NIPAL2: variants seen among roughly 807,000 people sequenced by gnomAD.
NIPAL2 encodes NIPA like domain containing 2, also known as NIPA-like protein 2.
NIPAL2 carries 43 observed loss-of-function variants against 48.9 expected under a neutral mutation model. The ratio of observed to expected loss-of-function variants is 0.88; its 90% confidence interval spans 0.69 to 1.13. The LOEUF (loss-of-function observed/expected upper bound fraction) is 1.13, where lower values mean the gene tolerates loss of function less well. Ranked by LOEUF, NIPAL2 falls within the 50% of genes most tolerant of loss-of-function variation. The pLI, the probability that NIPAL2 is intolerant of heterozygous loss-of-function variation, is 0.00. For synonymous variants in NIPAL2, 167 were observed against 174.6 expected (o/e 0.96, Z 0.34); for missense variants, 446 against 461.4 (o/e 0.97, Z 0.31).
Position 98,259,019 on chromosome 8 carries a change from T to C in NIPAL2, c.136-4932A>G, listed in dbSNP as rs182719117. ...ATACACAGGCCACAAAATAAAAAAATACATAATTTTTCATCAAGACAGCAT... is the reference window on the plus strand; with the variant it reads ...ATACACAGGCCACAAAATAAAAAAACACATAATTTTTCATCAAGACAGCAT... On this transcript the variant is annotated intron_variant, in intron 1 of 10. Coordinates refer to ENST00000430223, the MANE Select transcript of NIPAL2 (RefSeq NM_001321635.2). 2.8e-3 allele frequency among the ~76,000 whole-genome samples: 421 copies of C among 149,248 alleles called. 5 individuals carry two copies. In the South Asian group the frequency reaches 0.034, roughly 12 times the overall value.
intron 1 of NIPAL2, among the ~76,000 whole-genome samples, chr8:98,259,394 A>T (rs1038257815): frequency 3.9e-5 from 6 of 152,016 alleles, no homozygotes; most frequent in Non-Finnish European, 7.4e-5. Context: ...TATTCTTCTC[A>T]CAGGTTTATT....
At chr8:98,287,934 A>G (rs1816268266) in intron 1 of NIPAL2, among the ~76,000 whole-genome samples, 1 of 152,242 alleles carries the variant, frequency 6.6e-6, no homozygotes, top group Non-Finnish European at 1.5e-5. Flanking sequence ...TAATTCTCAT[A>G]AGCTAACAAA....
chr8:98,264,583 G>A (rs1814586763), intron 1 of NIPAL2, among the ~76,000 whole-genome samples: 2 of 150,954 alleles, frequency 1.3e-5, no homozygotes, highest in Non-Finnish European at 3.0e-5. Flanking sequence ...GGGATGTGAA[G>A]GACCTCTTCA....
intron 10 of NIPAL2, 48 bp from the exon 11 acceptor site, chr8:98,193,138 A>G (rs760989353): frequency 2.1e-6 from 3 of 1,431,198 alleles, no homozygotes; most frequent in Non-Finnish European, 3.0e-6. Context: ...TTACAGAAAA[A>G]TAAGTCTTAA....
chr8:98,222,384 G>T lies in NIPAL2; in HGVS notation c.558+95C>A, dbSNP rs192741625. 4.7e-3 allele frequency: 6,032 copies of T among 1,287,200 alleles called. 23 individuals carry two copies. Among genetic ancestry groups the T allele is most frequent in the Non-Finnish European group, 5.9e-3 (5,552 of 944,898 alleles). The allele number at this position is 1,287,200 out of a possible 1,614,324, so 79.7% of individuals were successfully genotyped here. A position where few individuals can be genotyped will look rare whatever the true frequency, so the allele number is the denominator to read the frequency against. On this transcript the variant is annotated intron_variant, in intron 5 of 10. Transcript: ENST00000430223. The stretch of plus-strand genomic sequence containing the variant: ...ATTTAGATTTTAATAAGATATTAGT[G>T]CTGGTAAGGAAAAGATTATGTTCTC...
At chr8:98,247,932 T>C (rs1586396283) in intron 3 of NIPAL2, among the ~76,000 whole-genome samples, 1 of 152,210 alleles carries the variant, frequency 6.6e-6, no homozygotes. Context: ...TCACAGTTGA[T>C]CTGAAAGGAA....
At position 98,254,854 on chromosome 8, in the gene NIPAL2, G is replaced by C. The variant is rs73283789; in HGVS notation, c.136-767C>G. Among the ~76,000 whole-genome samples the C allele has an allele frequency of 5.1e-3, 780 of 152,320 alleles. 5 individuals carry two copies. Among genetic ancestry groups the C allele is most frequent in the African/African-American group, 0.018 (756 of 41,566 alleles). ...TCATGCCACTGCTCTCCTAGGTCATGCAGGTATGCCTCTCACTCACTCCAA... is the reference window on the plus strand; with the variant it reads ...TCATGCCACTGCTCTCCTAGGTCATCCAGGTATGCCTCTCACTCACTCCAA... On this transcript the variant is annotated intron_variant, in intron 1 of 10. Coordinates refer to ENST00000430223, the MANE Select transcript of NIPAL2 (RefSeq NM_001321635.2).
chr8:98,235,441 A>G (rs962010194), intron 4 of NIPAL2, among the ~76,000 whole-genome samples: 1 of 152,224 alleles, frequency 6.6e-6, no homozygotes, highest in Non-Finnish European at 1.5e-5. Context: ...ATATTTAAGA[A>G]CAATGGTCTG....
intron 5 of NIPAL2, among the ~76,000 whole-genome samples, chr8:98,220,217 T>C (rs1670436589): frequency 6.6e-6 from 1 of 152,174 alleles, no homozygotes; most frequent in Non-Finnish European, 1.5e-5. Context: ...CACTAGGAAC[T>C]GCTTCGGTCC....
At chr8:98,268,243 A>AT (rs550092530) in intron 1 of NIPAL2, among the ~76,000 whole-genome samples, 134 of 152,018 alleles carry the variant, frequency 8.8e-4, no homozygotes, top group Non-Finnish European at 1.8e-3. Flanking sequence ...CTTATGATGC[A>AT]TTTTTTTTGG....
intron 4 of NIPAL2, among the ~76,000 whole-genome samples, chr8:98,227,429 G>A (rs1018568290): frequency 1.3e-5 from 2 of 152,162 alleles, no homozygotes; most frequent in Admixed American, 1.3e-4. Context: ...GGCTATCACT[G>A]CTGATTATTC....
At position 98,241,629 on chromosome 8, in the gene NIPAL2, C is replaced by T. The variant is rs373750860; in HGVS notation, c.377-5415G>A. On this transcript the variant is annotated intron_variant, in intron 3 of 10. Transcript: ENST00000430223. ...TAGTGGAAAACTGGAATAATCTAAA[C>T]GTTCAGCAATAATCAGTAGGATATT... Among the ~76,000 whole-genome samples, 6 of 151,982 alleles carry T rather than the reference C, an allele frequency of 3.9e-5. No homozygotes were observed. The South Asian group carries it at 6.2e-4, about 16-fold the overall frequency.
intron 1 of NIPAL2, among the ~76,000 whole-genome samples, chr8:98,271,908 A>G (rs770711867): frequency 2.0e-5 from 3 of 150,426 alleles, no homozygotes; most frequent in Non-Finnish European, 3.0e-5. Context: ...TCATGAAATG[A>G]TGTTAAATTT....
intron 1 of NIPAL2, among the ~76,000 whole-genome samples, chr8:98,258,938 C>T (rs536470678): frequency 1.5e-4 from 22 of 151,132 alleles, no homozygotes; most frequent in African/African-American, 3.4e-4. Flanking sequence ...TAACAGTCTG[C>T]GTATTAAAAA....
At chr8:98,283,365 C>T (rs1355362246) in intron 1 of NIPAL2, among the ~76,000 whole-genome samples, 1 of 151,988 alleles carries the variant, frequency 6.6e-6, no homozygotes, top group African/African-American at 2.4e-5. Flanking sequence ...TGGAGAGCAA[C>T]AATAGTCAAG....
chr8:98,293,899 T>C, intron 1 of NIPAL2, 104 bp downstream of exon 1: 1 of 1,117,494 alleles, frequency 8.9e-7, no homozygotes, highest in Non-Finnish European at 1.2e-6. Flanking sequence ...GCCGGGTGTC[T>C]TCCTGAGAGC....
At chr8:98,282,701 CAA>C (rs1350116798) in intron 1 of NIPAL2, among the ~76,000 whole-genome samples, 1 of 152,006 alleles carries the variant, frequency 6.6e-6, no homozygotes, top group Admixed American at 6.6e-5. Flanking sequence ...AAAAAAGAAA[CAA>C]TATTCATAGC....
Position 98,192,984 on chromosome 8 carries a change from CTCTT to C in NIPAL2, c.1142_1145del (p.Lys381ArgfsTer5), listed in dbSNP as rs1563476886. On this transcript the variant is annotated frameshift_variant, in exon 11 of 11. Transcript: ENST00000430223. LOFTEE classifies it high-confidence loss of function. ...CAGCCATCCTTCTCAGCATTTAGAC[CTCTT>C]TCTTCTCTCCACTTTGGCTCTTTGT... 1 of 1,606,708 alleles carries C rather than the reference CTCTT, an allele frequency of 6.2e-7. No homozygotes were observed. The highest frequency in any genetic ancestry group is 2.2e-5 in the East Asian group (1 of 44,842).
chr8:98,197,081 CT>C (rs201448578), intron 8 of NIPAL2, among the ~76,000 whole-genome samples: 10,074 of 140,896 alleles, frequency 0.071, 427 homozygotes, highest in East Asian at 0.13. Context: ...TCTTTTTTCT[CT>C]TTTTTTTTTT....
Sources: allele counts gnomAD v4.1 joint callset (sites outside exome capture counted in the v4.1 genomes callset), GRCh38; gene constraint gnomAD v4.1.1; transcripts MANE v1.5; gene names NCBI Gene and HGNC (gene_info 2026-07-23, HGNC 2026-07-21).